Variants in QTRT1 observed in about 807,000 individuals in gnomAD.
QTRT1 encodes the protein TGT, 43-KD subunit.
Under a neutral mutation model 44.0 loss-of-function variants are expected in QTRT1, and 41 were observed. The ratio of observed to expected loss-of-function variants is 0.93; its 90% confidence interval spans 0.73 to 1.21. The LOEUF (loss-of-function observed/expected upper bound fraction) is 1.21. QTRT1 is among the 50% of genes most tolerant of loss of function. The pLI is 0.00. For missense variants in QTRT1, 542 were observed against 575.8 expected (o/e 0.94, Z 0.60); for synonymous variants, 226 against 237.1 (o/e 0.95, Z 0.43).
intron 3 of QTRT1, among the ~76,000 whole-genome samples, 174 bp from the exon 4 acceptor site, chr19:10,707,128 C>T (rs1195785566): frequency 6.6e-6 from 1 of 152,226 alleles, no homozygotes; most frequent in Non-Finnish European, 1.5e-5. Flanking sequence ...AAGGCACATT[C>T]TGTAAAGCTC....
chr19:10,704,460 A>T (rs554815809), intron 3 of QTRT1, among the ~76,000 whole-genome samples: 1 of 150,832 alleles, frequency 6.6e-6, no homozygotes, highest in Non-Finnish European at 1.5e-5. Context: ...CGCCCAGCTA[A>T]TTTTTTTGTA....
rs2068743122 is a variant in QTRT1, at chr19:10,712,462, A to T, written c.786-91A>T. 2.1e-6 allele frequency: 3 copies of T among 1,441,738 alleles called. No homozygotes were observed. In the African/African-American group the frequency reaches 4.2e-5, roughly 20 times the overall value. 89.3% of individuals were successfully genotyped at this position (1,441,738 alleles called of 1,614,324 possible). A position where few individuals can be genotyped will look rare whatever the true frequency, so the allele number is the denominator to read the frequency against. On this transcript the variant is annotated intron_variant, in intron 6 of 9. Transcript: ENST00000250237. The surrounding 1 kb of genome is among the most constrained non-coding windows in gnomAD (Gnocchi z 5.6). ...CCCTTGGGGGCCATTCTGAGGGAAT[A>T]TGGCCCAGTCTGGGGCAGTGTGAGG... is the stretch of plus-strand genomic sequence containing the variant.
At chr19:10,710,419 C>G (rs576294057) in intron 5 of QTRT1, among the ~76,000 whole-genome samples, 2 of 152,028 alleles carry the variant, frequency 1.3e-5, no homozygotes, top group East Asian at 3.9e-4. Flanking sequence ...TGGTTTCAAG[C>G]GATTCTCCTG....
At chr19:10,708,753 C>CTT (rs1220753692) in intron 5 of QTRT1, among the ~76,000 whole-genome samples, 1 of 141,982 alleles carries the variant, frequency 7.0e-6, no homozygotes, top group Non-Finnish European at 1.5e-5. Flanking sequence ...GCCTGCATTC[C>CTT]TTTTTTTTTT....
intron 3 of QTRT1, among the ~76,000 whole-genome samples, chr19:10,705,121 G>A (rs1397420893): frequency 1.3e-5 from 2 of 151,132 alleles, no homozygotes; most frequent in Admixed American, 1.3e-4. Flanking sequence ...CACCTTGTTG[G>A]TCAGGCTGGT....
chr19:10,703,587 A>G (rs1479211144), intron 3 of QTRT1, among the ~76,000 whole-genome samples: 1 of 152,106 alleles, frequency 6.6e-6, no homozygotes, highest in Non-Finnish European at 1.5e-5. Flanking sequence ...AGGCGCGATC[A>G]TGACTCACTG....
intron 5 of QTRT1, among the ~76,000 whole-genome samples, chr19:10,709,718 G>A (rs1364999701): frequency 3.3e-5 from 5 of 152,268 alleles, no homozygotes; most frequent in Middle Eastern, 3.4e-3. Flanking sequence ...GCGTGGTGGC[G>A]GGCGCCTGTA....
Position 10,712,883 on chromosome 19 carries a change from C to A in QTRT1, c.971+16C>A. ...CGTGCCAAAAGTAGGCAGGATGGCA[C>A]TGGGAGCTGGGGCAGGGCATGGAGG... On this transcript the variant is annotated intron_variant, in intron 8 of 9. Transcript: ENST00000250237. This position sits in a 1 kb window ranked among gnomAD's most constrained non-coding sequence, Gnocchi z 5.6. 1 of 1,613,176 alleles carries A rather than the reference C, an allele frequency of 6.2e-7. No homozygotes were observed. The highest frequency in any genetic ancestry group is 2.2e-5 in the East Asian group (1 of 44,878).
Position 10,703,968 on chromosome 19 carries a change from C to T in QTRT1, c.451+1714C>T, listed in dbSNP as rs148375909. ...TCAAGCAATTCTCCTGCCTCAGCCTCCCAAGTAGCTGGGATTACAGGTGCA... is the reference window on the plus strand; with the variant it reads ...TCAAGCAATTCTCCTGCCTCAGCCTTCCAAGTAGCTGGGATTACAGGTGCA... On this transcript the variant is annotated intron_variant, in intron 3 of 9. Coordinates refer to ENST00000250237, the MANE Select transcript of QTRT1 (RefSeq NM_031209.3). 7.0e-3 allele frequency among the ~76,000 whole-genome samples: 1,063 copies of T among 152,196 alleles called. 77 individuals are homozygous for T. The East Asian group carries it at 0.17, about 24-fold the overall frequency.
chr19:10,703,319 C>T (rs1265110947), intron 3 of QTRT1, among the ~76,000 whole-genome samples: 1 of 152,006 alleles, frequency 6.6e-6, no homozygotes, highest in African/African-American at 2.4e-5. Flanking sequence ...GCTTCGGCCT[C>T]GCAGAGTGCT....
At chr19:10,710,730 T>C (rs1214063934) in intron 5 of QTRT1, among the ~76,000 whole-genome samples, 2 of 152,026 alleles carry the variant, frequency 1.3e-5, no homozygotes, top group Non-Finnish European at 2.9e-5. Context: ...AAGACCAGCC[T>C]GCCCAACATG....
At chr19:10,710,978 T>G (rs928422987) in intron 5 of QTRT1, 1 of 152,040 alleles carries the variant, frequency 6.6e-6, no homozygotes, top group Non-Finnish European at 1.5e-5. Flanking sequence ...ACGTGCAAGT[T>G]TGTTACACAG....
chr19:10,712,996 AC>A lies in QTRT1; in HGVS notation c.1016del (p.Thr339ArgfsTer19). ...GCACGCACTGCTGCACAGTGACAACACGGCCGCGCTGCACCACCTCACGGTC... is the reference window on the plus strand; with the variant it reads ...GCACGCACTGCTGCACAGTGACAACAGGCCGCGCTGCACCACCTCACGGTC... The part of the protein sequence containing the change: ...FLHALLHSDN[T>X]AALHHLTVHN... On this transcript the variant is annotated frameshift_variant, in exon 9 of 10. Coordinates refer to ENST00000250237, the MANE Select transcript of QTRT1 (RefSeq NM_031209.3). LOFTEE classifies it high-confidence loss of function. The surrounding 1 kb of genome is among the most constrained non-coding windows in gnomAD (Gnocchi z 5.6). The A allele has an allele frequency of 6.2e-7, 1 of 1,612,146 alleles. No homozygotes were observed. Among genetic ancestry groups the A allele is most frequent in the South Asian group, 1.1e-5 (1 of 91,068 alleles).
chr19:10,712,963 G>T lies in QTRT1; in HGVS notation c.982G>T (p.Ala328Ser). ...TCPTCQKHSRAFLHALLHSDN... is the reference protein window; with the variant it reads ...TCPTCQKHSRSFLHALLHSDN... ...CCTGCCGCTCTACAGGCACAGCCGC[G>T]CCTTCCTGCACGCACTGCTGCACAG... The change falls in exon 9 of 10, where the codon GCC becomes TCC. Residue 328 changes from alanine to serine, a missense_variant. Coordinates refer to ENST00000250237, the MANE Select transcript of QTRT1 (RefSeq NM_031209.3). This position sits in a 1 kb window ranked among gnomAD's most constrained non-coding sequence, Gnocchi z 5.6. The T allele has an allele frequency of 1.2e-6, 2 of 1,612,918 alleles. No individual in the cohort carries two copies. The highest frequency in any genetic ancestry group is 1.7e-6 in the Non-Finnish European group (2 of 1,179,946).
chr19:10,702,810 C>T (rs1263866695), intron 3 of QTRT1, among the ~76,000 whole-genome samples: 1 of 133,544 alleles, frequency 7.5e-6, no homozygotes, highest in South Asian at 2.3e-4. Context: ...GCTCTTGTTG[C>T]CCAGGCTGGA....
intron 5 of QTRT1, among the ~76,000 whole-genome samples, chr19:10,708,482 A>T (rs1302539699): frequency 6.6e-6 from 1 of 152,146 alleles, no homozygotes; most frequent in South Asian, 2.1e-4. Flanking sequence ...ATTTAAAAAC[A>T]ACGACAACAA....
chr19:10,709,527 C>G (rs1354726301), intron 5 of QTRT1, among the ~76,000 whole-genome samples: 1 of 152,156 alleles, frequency 6.6e-6, no homozygotes, highest in Non-Finnish European at 1.5e-5. Context: ...GCCTGGCCAA[C>G]ATGGTAAAAC....
chr19:10,701,860 C>T (rs1389810731), intron 1 of QTRT1, 90 bp from the exon 2 acceptor site: 21 of 1,576,240 alleles, frequency 1.3e-5, no homozygotes, highest in Non-Finnish European at 1.8e-5. Flanking sequence ...GAAAGAGCAG[C>T]AGGGACTAAA....
intron 3 of QTRT1, 96 bp downstream of exon 3, chr19:10,702,350 G>T: frequency 7.2e-7 from 1 of 1,393,892 alleles, no homozygotes; most frequent in Admixed American, 2.4e-5. Flanking sequence ...GCTTTGAGCA[G>T]GTCACTCCTC....
Sources: gnomAD v4.1 joint callset for allele counts (sites outside exome capture counted in the v4.1 genomes callset) on GRCh38, gnomAD v4.1.1 for gene constraint, Gnocchi (gnomAD v3.1) non-coding constraint, MANE v1.5 for transcripts, NCBI Gene and HGNC (gene_info 2026-07-23, HGNC 2026-07-21) for gene names.